The following ATRNL1 variants were observed in gnomAD, a reference collection of about 807,000 sequenced individuals.
The protein encoded by ATRNL1 is attractin like 1, also known as attractin-like protein 1.
In ATRNL1, 95 loss-of-function variants were observed where a neutral mutation model predicts 182.7. That is an observed-to-expected ratio of 0.52 (90% CI 0.44 to 0.62). The LOEUF is 0.62. Ranked by LOEUF, ATRNL1 falls within the 20% of genes least tolerant of loss-of-function variation. The pLI, the probability that ATRNL1 is intolerant of heterozygous loss-of-function variation, is 0.00. For synonymous variants in ATRNL1, 576 were observed against 568.3 expected (o/e 1.01, Z -0.19); for missense variants, 1,471 against 1,679.5 (o/e 0.88, Z 2.17).
At chr10:115,659,449 A>G (rs12246242) in intron 26 of ATRNL1, among the ~76,000 whole-genome samples, 1,771 of 152,230 alleles carry the variant, frequency 0.012, 36 homozygotes, top group African/African-American at 0.04. Context: ...TTTATTGTGC[A>G]TCCACTAAGT....
intron 20 of ATRNL1, among the ~76,000 whole-genome samples, chr10:115,397,738 G>A (rs1324949610): frequency 6.6e-6 from 1 of 151,890 alleles, no homozygotes; most frequent in Non-Finnish European, 1.5e-5. Flanking sequence ...AAGTAGAAAT[G>A]AACATGATCA....
In ATRNL1 at chr10:115,230,906, AGAGAGAG is replaced by A. The variant is rs1849908302; in HGVS notation, c.1533-10664_1533-10658del. On this transcript the variant is annotated intron_variant, in intron 9 of 28. Coordinates refer to ENST00000355044, the MANE Select transcript of ATRNL1 (RefSeq NM_207303.4). ...GAGAGAGAGAGAGAGAGAGAGAGAG[AGAGAGAG>A]AGAGAGAGAAAGAGAGAAATAGTGA... Among the ~76,000 whole-genome samples the A allele has an allele frequency of 5.1e-3, 758 of 148,290 alleles. 4 individuals are homozygous for A. The highest frequency in any genetic ancestry group is 0.017 in the African/African-American group (660 of 39,552).
intron 28 of ATRNL1, among the ~76,000 whole-genome samples, chr10:115,864,977 G>A (rs1305511511): frequency 1.4e-5 from 2 of 144,376 alleles, no homozygotes; most frequent in African/African-American, 2.6e-5. Flanking sequence ...GCGAGACTCC[G>A]TCTAAAAAAA....
chr10:115,290,903 A>G (rs1554920627), intron 15 of ATRNL1, among the ~76,000 whole-genome samples: 1 of 152,094 alleles, frequency 6.6e-6, no homozygotes, highest in Non-Finnish European at 1.5e-5. Flanking sequence ...TATTATGTAG[A>G]TGGGTTCTCT....
intron 19 of ATRNL1, among the ~76,000 whole-genome samples, chr10:115,390,581 T>A (rs1843967658): frequency 6.6e-6 from 1 of 152,190 alleles, no homozygotes; most frequent in Non-Finnish European, 1.5e-5. Context: ...TTTTGTTTAA[T>A]ATAGGTTTGT....
intron 26 of ATRNL1, among the ~76,000 whole-genome samples, chr10:115,637,420 C>T (rs1010593388): frequency 1.3e-5 from 2 of 151,420 alleles, no homozygotes; most frequent in African/African-American, 2.4e-5. Context: ...AAAGTAAAAC[C>T]AAAGTTAAAA....
chr10:115,148,826 T>C (rs1846088680), intron 5 of ATRNL1, among the ~76,000 whole-genome samples: 1 of 146,350 alleles, frequency 6.8e-6, no homozygotes. Context: ...CTTGGCTCAC[T>C]GCAACATCCT....
At chr10:115,730,184 G>C (rs1947748612) in intron 27 of ATRNL1, among the ~76,000 whole-genome samples, 1 of 139,742 alleles carries the variant, frequency 7.2e-6, no homozygotes. Context: ...TTGAACCCAG[G>C]AGATGGAAGT....
chr10:115,685,768 T>C (rs1377138903), intron 26 of ATRNL1, among the ~76,000 whole-genome samples: 6 of 151,856 alleles, frequency 4.0e-5, no homozygotes, highest in African/African-American at 1.2e-4. Context: ...ATTTTTATAT[T>C]AGACTAGGCT....
Position 115,915,580 on chromosome 10 carries a change from A to C in ATRNL1, c.4019-29078A>C, listed in dbSNP as rs1367154525. On this transcript the variant is annotated intron_variant, in intron 28 of 28. Transcript: ENST00000355044. ...GGTATATATATAGATAAGATGCATAAACTAATGTATGTATAGAAAAATAAT... is the reference window on the plus strand; with the variant it reads ...GGTATATATATAGATAAGATGCATACACTAATGTATGTATAGAAAAATAAT... Among the ~76,000 whole-genome samples, 3 of 152,162 alleles carry C rather than the reference A, an allele frequency of 2.0e-5. No homozygotes were observed. The East Asian group carries it at 5.8e-4, about 29-fold the overall frequency.
chr10:115,398,293 G>T (rs1844385545), intron 20 of ATRNL1, among the ~76,000 whole-genome samples: 1 of 151,990 alleles, frequency 6.6e-6, no homozygotes, highest in Non-Finnish European at 1.5e-5. Context: ...TTTTGCTGTA[G>T]TAATGACAGT....
chr10:115,913,155 CTAAAG>C (rs1168871046), intron 28 of ATRNL1, among the ~76,000 whole-genome samples: 2 of 152,178 alleles, frequency 1.3e-5, no homozygotes, highest in African/African-American at 4.8e-5. Context: ...CAGTATGTGT[CTAAAG>C]TAATATTTTA....
At chr10:115,289,960 AT>A (rs1334709118) in intron 15 of ATRNL1, among the ~76,000 whole-genome samples, 1 of 151,942 alleles carries the variant, frequency 6.6e-6, no homozygotes, top group African/African-American at 2.4e-5. Context: ...GAGTCTGTAG[AT>A]TGCTTTGAGT....
chr10:115,635,480 A>G (rs1409326890), intron 26 of ATRNL1, among the ~76,000 whole-genome samples: 1 of 152,176 alleles, frequency 6.6e-6, no homozygotes, highest in African/African-American at 2.4e-5. Flanking sequence ...GAAAAAGACA[A>G]TACAAGATTT....
rs558899520 is a variant in ATRNL1, at chr10:115,457,989, A to G, written c.3323-3952A>G. Among the ~76,000 whole-genome samples, 23 of 152,286 alleles carry G rather than the reference A, an allele frequency of 1.5e-4. No homozygotes were observed. In the South Asian group the frequency reaches 4.6e-3, roughly 30 times the overall value. ...TTTTCATTTCTCTGTATTTATCAAT[A>G]AAGCAATAAATTATTTGAATTGATT... is the stretch of plus-strand genomic sequence containing the variant. On this transcript the variant is annotated intron_variant, in intron 21 of 28. Coordinates refer to ENST00000355044, the MANE Select transcript of ATRNL1 (RefSeq NM_207303.4).
intron 28 of ATRNL1, among the ~76,000 whole-genome samples, chr10:115,876,015 T>C (rs1951692426): frequency 6.6e-6 from 1 of 152,184 alleles, no homozygotes; most frequent in Admixed American, 6.5e-5. Context: ...ACTGGGAATC[T>C]TGAAGTCGGA....
intron 21 of ATRNL1, among the ~76,000 whole-genome samples, chr10:115,439,732 T>C (rs951233577): frequency 6.6e-6 from 1 of 151,794 alleles, no homozygotes; most frequent in African/African-American, 2.4e-5. Flanking sequence ...AGTATTCTTA[T>C]GAAAGGGAAG....
intron 26 of ATRNL1, among the ~76,000 whole-genome samples, chr10:115,630,237 G>A (rs1179047998): frequency 6.6e-6 from 1 of 151,982 alleles, no homozygotes; most frequent in Non-Finnish European, 1.5e-5. Flanking sequence ...AAAACATACA[G>A]AAGGACAATA....
chr10:115,306,770 A>G (rs1853753706), intron 17 of ATRNL1, among the ~76,000 whole-genome samples: 1 of 151,932 alleles, frequency 6.6e-6, no homozygotes, highest in African/African-American at 2.4e-5. Context: ...ATATTTAGCT[A>G]TTTTTCTTTT....
Sources: allele counts gnomAD v4.1 joint callset (sites outside exome capture counted in the v4.1 genomes callset), GRCh38; gene constraint gnomAD v4.1.1; transcripts MANE v1.5; gene names NCBI Gene and HGNC (gene_info 2026-07-23, HGNC 2026-07-21).